Variants in BRWD3 observed in about 807,000 individuals in gnomAD.
The protein encoded by BRWD3 is bromodomain and WD repeat-containing protein 3.
In BRWD3, 10 loss-of-function variants were observed where a neutral mutation model predicts 149.7. That is an observed-to-expected ratio of 0.07 (90% CI 0.04 to 0.11). The LOEUF is 0.11. BRWD3 is among the 10% of genes least tolerant of loss of function. The probability of loss-of-function intolerance (pLI) is 1.00; values close to 1 mark genes in which losing one functional copy is unlikely to be tolerated. For synonymous variants in BRWD3, 504 were observed against 456.7 expected (o/e 1.10, Z -1.32); for missense variants, 940 against 1,373.2 (o/e 0.68, Z 4.99).
Position 80,770,446 on chromosome X carries a change from C to A in BRWD3, c.430+21408G>T, listed in dbSNP as rs1453291202. On this transcript the variant is annotated intron_variant, in intron 6 of 40. Transcript: ENST00000373275. ...TCCCTAGGACGCAAGGCTGGTTCAGCATACGCAAATCAATAAACATAATCC... is the reference window on the plus strand; with the variant it reads ...TCCCTAGGACGCAAGGCTGGTTCAGAATACGCAAATCAATAAACATAATCC... 2.7e-5 allele frequency among the ~76,000 whole-genome samples: 3 copies of A among 111,760 alleles called. No homozygotes were observed. In the Admixed American group the frequency reaches 2.8e-4, roughly 11 times the overall value.
chrX:80,691,738 G>A (rs779929528), intron 30 of BRWD3, 85 bp downstream of exon 30: 1 of 1,088,312 alleles, frequency 9.2e-7, no homozygotes, highest in African/African-American at 1.8e-5. Context: ...GTGAGAAACT[G>A]CATATCCTTC....
At chrX:80,724,796 T>C in intron 15 of BRWD3, 137 bp downstream of exon 15, 1 of 713,475 alleles carries the variant, frequency 1.4e-6, no homozygotes. Flanking sequence ...ATTCTTGAGT[T>C]ATTCTCTGAA....
chrX:80,758,906 T>C (rs1208296635), intron 6 of BRWD3, among the ~76,000 whole-genome samples: 1 of 112,237 alleles, frequency 8.9e-6, no homozygotes, highest in Non-Finnish European at 1.9e-5. Flanking sequence ...TCTACATTAC[T>C]CACAGCTGTA....
chrX:80,718,089 C>A (rs1031151709), intron 18 of BRWD3, among the ~76,000 whole-genome samples: 2 of 111,408 alleles, frequency 1.8e-5, no homozygotes, highest in African/African-American at 3.3e-5. Context: ...AGTACTAGTT[C>A]AGGAAGGAGC....
chrX:80,744,805 T>C (rs1003016894), intron 7 of BRWD3, among the ~76,000 whole-genome samples: 9 of 111,620 alleles, frequency 8.1e-5, no homozygotes, highest in African/African-American at 2.6e-4. Context: ...TATTAAAACA[T>C]AGCATTCATC....
Position 80,685,563 on chromosome X carries a change from T to C in BRWD3, c.4006-27A>G, listed in dbSNP as rs755676312. The C allele has an allele frequency of 5.4e-6, 6 of 1,101,547 alleles. No individual in the cohort carries two copies. In the East Asian group the frequency reaches 1.8e-4, roughly 33 times the overall value. 90.8% of individuals were successfully genotyped at this position (1,101,547 alleles called of 1,213,427 possible). A position where few individuals can be genotyped will look rare whatever the true frequency, so the allele number is the denominator to read the frequency against. ...TATTAGGGTGAAGAACATATACTGG[T>C]TTCCAGACAACTATAACAAAATATC... On this transcript the variant is annotated intron_variant, in intron 35 of 40. Transcript: ENST00000373275.
chrX:80,707,317 T>C, intron 22 of BRWD3, 110 bp downstream of exon 22: 2 of 756,133 alleles, frequency 2.6e-6, no homozygotes, highest in East Asian at 3.5e-5. Context: ...CAATACCTTT[T>C]CTACTATAAA....
At chrX:80,724,858 T>C in intron 15 of BRWD3, 75 bp downstream of exon 15, 1 of 1,096,251 alleles carries the variant, frequency 9.1e-7, no homozygotes, top group Non-Finnish European at 1.3e-6. Flanking sequence ...GCACTAGGTA[T>C]ACTTTAATTA....
chrX:80,793,659 T>C lies in BRWD3; in HGVS notation c.294A>G (p.Leu98=). Residue 98 remains leucine, a synonymous_variant, in exon 5 of 41, where the codon TTA becomes TTG. Transcript: ENST00000373275. ...GTAGCAGAGACTGCCGACCAACACCTAATAATGTCTGTACCCCAGGAACAC... is the reference window on the plus strand; with the variant it reads ...GTAGCAGAGACTGCCGACCAACACCCAATAATGTCTGTACCCCAGGAACAC... ...PQSVPGVQTL[L]GVGRQSLLRD... The C allele has an allele frequency of 8.3e-7, 1 of 1,210,286 alleles. No individual in the cohort carries two copies. The highest frequency in any genetic ancestry group is 1.8e-5 in the South Asian group (1 of 56,947).
chrX:80,722,040 G>T (rs1184875513), intron 17 of BRWD3, among the ~76,000 whole-genome samples: 1 of 111,476 alleles, frequency 9.0e-6, no homozygotes, highest in East Asian at 2.8e-4. Flanking sequence ...TAGAGACAGG[G>T]TTTCACCATG....
At chrX:80,787,114 A>G (rs2074116652) in intron 6 of BRWD3, among the ~76,000 whole-genome samples, 1 of 111,931 alleles carries the variant, frequency 8.9e-6, no homozygotes, top group African/African-American at 3.2e-5. Flanking sequence ...AATACAAATT[A>G]AAACTATATA....
intron 20 of BRWD3, among the ~76,000 whole-genome samples, chrX:80,712,592 GTC>G (rs2072993618): frequency 9.1e-6 from 1 of 109,946 alleles, no homozygotes; most frequent in Non-Finnish European, 1.9e-5. Context: ...AGTGAGGAGC[GTC>G]TCTGCCTGGC....
rs2072329557 is a variant in BRWD3, at chrX:80,672,313, A to C, written c.*4296T>G. 9.6e-6 allele frequency: 1 copy of C among 104,489 alleles called. No homozygotes were observed. The highest frequency in any genetic ancestry group is 4.6e-4 in the South Asian group (1 of 2,178). 8.6% of individuals were successfully genotyped at this position (104,489 alleles called of 1,213,427 possible). ...AAAGATGAAAAAAGAAATAATCAAGAATAAGGGTATATAGGCCGGGCACGG... is the reference window on the plus strand; with the variant it reads ...AAAGATGAAAAAAGAAATAATCAAGCATAAGGGTATATAGGCCGGGCACGG... On this transcript the variant is annotated 3_prime_UTR_variant, in exon 41 of 41. Coordinates refer to ENST00000373275, the MANE Select transcript of BRWD3 (RefSeq NM_153252.5).
intron 6 of BRWD3, among the ~76,000 whole-genome samples, chrX:80,762,026 A>G (rs1226445058): frequency 9.0e-6 from 1 of 111,671 alleles, no homozygotes; most frequent in African/African-American, 3.3e-5. Context: ...AATGTAACTG[A>G]GCTTTGTGTC....
rs140194482 is a variant in BRWD3, at chrX:80,681,114, T to C, written c.4654+227A>G. Among the ~76,000 whole-genome samples, 840 of 108,796 alleles carry C rather than the reference T, an allele frequency of 7.7e-3. 5 individuals carry two copies. The highest frequency in any genetic ancestry group is 0.027 in the African/African-American group (796 of 29,858). 94.5% of individuals were successfully genotyped at this position (108,796 alleles called of 115,157 possible). On this transcript the variant is annotated intron_variant, in intron 40 of 40. Transcript: ENST00000373275. Reference sequence around the variant, plus strand: ...TGTGAGCCACCACGCCTGGCCCCATTTTACGTTTTAAGACTAAAATACATT... The same window carrying C: ...TGTGAGCCACCACGCCTGGCCCCATCTTACGTTTTAAGACTAAAATACATT...
intron 14 of BRWD3, 109 bp downstream of exon 14, chrX:80,728,643 A>G (rs2073283382): frequency 3.1e-6 from 2 of 646,257 alleles, no homozygotes; most frequent in South Asian, 6.6e-5. Context: ...TCATTTTTCC[A>G]AGGACTAGTA....
rs1181392213 is a variant in BRWD3, at chrX:80,677,353, A to T, written c.4665T>A (p.Leu1555=). The change falls in exon 41 of 41, where the codon CTT becomes CTA. Residue 1555 remains leucine, a synonymous_variant. Transcript: ENST00000373275. ...RVLPVKQDHS[L]DGPLTNGDGR... ...CATCACCATTTGTAAGGGGTCCATC[A>T]AGGGAGTGATCTAAATTAAAATGAA... is the stretch of plus-strand genomic sequence containing the variant. 2 of 1,199,368 alleles carry T rather than the reference A, an allele frequency of 1.7e-6. No homozygotes were observed. Among genetic ancestry groups the T allele is most frequent in the Non-Finnish European group, 2.2e-6 (2 of 889,374 alleles).
intron 12 of BRWD3, among the ~76,000 whole-genome samples, chrX:80,730,633 C>T (rs2073316780): frequency 9.0e-6 from 1 of 111,044 alleles, no homozygotes; most frequent in Admixed American, 9.6e-5. Flanking sequence ...TTGCACAACC[C>T]TATGAATATA....
Position 80,683,993 on chromosome X carries a change from C to T in BRWD3, c.4233+17G>A. The T allele has an allele frequency of 8.3e-7, 1 of 1,201,578 alleles. No individual in the cohort carries two copies. The highest frequency in any genetic ancestry group is 2.5e-4 in the Middle Eastern group (1 of 4,031). ...TAAAGAAAACTGCCTGATAATTAACCCAACTAATAATCATACCCTTGACTT... is the reference window on the plus strand; with the variant it reads ...TAAAGAAAACTGCCTGATAATTAACTCAACTAATAATCATACCCTTGACTT... On this transcript the variant is annotated intron_variant, in intron 37 of 40. Transcript: ENST00000373275.
Sources: gnomAD v4.1 joint callset for allele counts (sites outside exome capture counted in the v4.1 genomes callset) on GRCh38, gnomAD v4.1.1 for gene constraint, MANE v1.5 for transcripts, NCBI Gene and HGNC (gene_info 2026-07-23, HGNC 2026-07-21) for gene names.